ATG7: variants seen among roughly 807,000 people sequenced by gnomAD.
ATG7 encodes the protein ubiquitin-like modifier-activating enzyme ATG7.
Under a neutral mutation model 82.4 loss-of-function variants are expected in ATG7, and 70 were observed. That is an observed-to-expected ratio of 0.85 (90% CI 0.70 to 1.04). ATG7 has a LOEUF of 1.04. Among genes scored for constraint, ATG7 ranks in the 50% least tolerant of loss-of-function variants. The pLI is 0.00. For missense variants in ATG7, 792 were observed against 864.3 expected (o/e 0.92, Z 1.05); for synonymous variants, 287 against 313.0 (o/e 0.92, Z 0.88).
the ATG7 span, among the ~76,000 whole-genome samples, chr3:11,567,733 C>T: frequency 6.6e-6 from 1 of 152,218 alleles, no homozygotes; most frequent in African/African-American, 2.4e-5. Context: ...CTGCTGGCTT[C>T]TACCTAAACG....
chr3:11,557,204 C>T lies in ATG7; in HGVS notation c.*2361C>T, dbSNP rs1384526110. On this transcript the variant is annotated 3_prime_UTR_variant, in exon 21 of 21. Coordinates refer to ENST00000693202, the MANE Select transcript of ATG7 (RefSeq NM_001349232.2). ...ACAGCTGTGTCTGTCATGCTTGCTT[C>T]ATCTAATTTCTAGTTAGTAGCTATT... 6.5e-6 allele frequency: 1 copy of T among 152,756 alleles called. No individual in the cohort carries two copies. The highest frequency in any genetic ancestry group is 2.1e-4 in the South Asian group (1 of 4,828). 9.5% of individuals were successfully genotyped at this position (152,756 alleles called of 1,614,324 possible).
intron 9 of ATG7, among the ~76,000 whole-genome samples, chr3:11,326,252 C>G (rs557981790): frequency 1.3e-4 from 19 of 151,872 alleles, no homozygotes; most frequent in South Asian, 2.1e-4. Context: ...TCTCCCTTCT[C>G]CCCCTTTTTA....
chr3:11,350,536 T>G (rs1278517165), intron 14 of ATG7, among the ~76,000 whole-genome samples: 1 of 152,170 alleles, frequency 6.6e-6, no homozygotes, highest in Non-Finnish European at 1.5e-5. Flanking sequence ...GGAACAGTCA[T>G]GTGGGTCCTA....
chr3:11,389,511 A>G (rs878974990), intron 19 of ATG7, among the ~76,000 whole-genome samples: 2 of 151,310 alleles, frequency 1.3e-5, no homozygotes, highest in Admixed American at 6.6e-5. Flanking sequence ...GACTGGTTAA[A>G]TCACATAGCA....
chr3:11,515,495 G>T (rs935081582), intron 20 of ATG7, among the ~76,000 whole-genome samples: 11 of 152,058 alleles, frequency 7.2e-5, no homozygotes, highest in Non-Finnish European at 1.3e-4. Context: ...GTAGAGACGG[G>T]GTTTTGCTGT....
chr3:11,435,245 C>T (rs925438330), intron 20 of ATG7, among the ~76,000 whole-genome samples: 1 of 152,092 alleles, frequency 6.6e-6, no homozygotes, highest in African/African-American at 2.4e-5. Context: ...CTACTTTGAG[C>T]CTTAATAGAA....
In ATG7 at chr3:11,335,341, T is replaced by A. The variant is rs144518456; in HGVS notation, c.889+2248T>A. On this transcript the variant is annotated intron_variant, in intron 11 of 20. Coordinates refer to ENST00000693202, the MANE Select transcript of ATG7 (RefSeq NM_001349232.2). ...GGCCACACTGGAAGAAGAATTGTCT[T>A]GGACCACACATAAAATACACTAACA... Among the ~76,000 whole-genome samples, 10 of 152,224 alleles carry A rather than the reference T, an allele frequency of 6.6e-5. No homozygotes were observed. The East Asian group carries it at 1.9e-3, about 29-fold the overall frequency.
At chr3:11,361,699 G>A (rs2076296600) in intron 16 of ATG7, among the ~76,000 whole-genome samples, 1 of 152,170 alleles carries the variant, frequency 6.6e-6, no homozygotes, top group Admixed American at 6.5e-5. Flanking sequence ...CCCTAGCAAT[G>A]CTAATAGAGG....
At chr3:11,425,230 C>T (rs1200119265) in intron 19 of ATG7, among the ~76,000 whole-genome samples, 1 of 152,160 alleles carries the variant, frequency 6.6e-6, no homozygotes, top group East Asian at 1.9e-4. Flanking sequence ...ACCCAAAATG[C>T]TAGGATTACA....
chr3:11,474,581 C>T (rs2087914849), intron 20 of ATG7, among the ~76,000 whole-genome samples: 1 of 152,174 alleles, frequency 6.6e-6, no homozygotes. Flanking sequence ...ACCTGGGTGA[C>T]AGAGTAAGCC....
intron 19 of ATG7, among the ~76,000 whole-genome samples, chr3:11,383,740 A>C (rs1465500016): frequency 6.6e-6 from 1 of 152,184 alleles, no homozygotes; most frequent in Non-Finnish European, 1.5e-5. Flanking sequence ...GAGCCACCGC[A>C]TCCAGCCGTA....
At chr3:11,376,717 C>A (rs928496880) in intron 18 of ATG7, among the ~76,000 whole-genome samples, 2 of 152,068 alleles carry the variant, frequency 1.3e-5, no homozygotes. Context: ...GCAAGGAATT[C>A]TCTGCCTTAT....
At chr3:11,483,970 T>C (rs976849142) in intron 20 of ATG7, among the ~76,000 whole-genome samples, 1 of 152,176 alleles carries the variant, frequency 6.6e-6, no homozygotes, top group African/African-American at 2.4e-5. Context: ...CCTAAAAATA[T>C]AATTATAGCA....
At chr3:11,294,278 G>T (rs1945489952) in intron 3 of ATG7, among the ~76,000 whole-genome samples, 1 of 150,938 alleles carries the variant, frequency 6.6e-6, no homozygotes. Flanking sequence ...TGCTCTTGTT[G>T]CCCAGGCTGG....
At chr3:11,272,694 C>T (rs1203470111) in intron 1 of ATG7, 1 of 152,186 alleles carries the variant, frequency 6.6e-6, no homozygotes, top group African/African-American at 2.4e-5. Flanking sequence ...CTAAGTCAGC[C>T]CCTCCTGTCC....
downstream of ATG7, among the ~76,000 whole-genome samples, chr3:11,559,773 G>A (rs1021162317): frequency 6.6e-6 from 1 of 152,174 alleles, no homozygotes; most frequent in Non-Finnish European, 1.5e-5. Flanking sequence ...TCCTGTGGAG[G>A]ACAGAGGGTT....
At position 11,555,816 on chromosome 3, in the gene ATG7, CCTG is replaced by C. The variant is rs1468093040; in HGVS notation, c.*976_*978del. 7 of 152,414 alleles carry C rather than the reference CCTG, an allele frequency of 4.6e-5. 1 individual carries two copies. Among genetic ancestry groups the C allele is most frequent in the South Asian group, 4.1e-4 (2 of 4,820 alleles). The allele number at this position is 152,414 out of a possible 1,614,324, so 9.4% of individuals were successfully genotyped here. On this transcript the variant is annotated 3_prime_UTR_variant, in exon 21 of 21. Coordinates refer to ENST00000693202, the MANE Select transcript of ATG7 (RefSeq NM_001349232.2). ...CCCCCGTGTAGAGGGCATCGTCTTTCCTGCTATTTTATTCTTTCAGCTTTTGTC... is the reference window on the plus strand; with the variant it reads ...CCCCCGTGTAGAGGGCATCGTCTTTCCTATTTTATTCTTTCAGCTTTTGTC...
chr3:11,474,879 C>T (rs1293723173), intron 20 of ATG7, among the ~76,000 whole-genome samples: 1 of 151,906 alleles, frequency 6.6e-6, no homozygotes, highest in African/African-American at 2.4e-5. Context: ...GAGTGGGGGG[C>T]CGGAGCCAGT....
chr3:11,427,870 G>C (rs1188006370), intron 20 of ATG7, among the ~76,000 whole-genome samples: 4 of 152,084 alleles, frequency 2.6e-5, no homozygotes, highest in African/African-American at 9.7e-5. Context: ...TCTTAGAAAA[G>C]GGAATGCTGT....
Sources: allele counts gnomAD v4.1 joint callset (sites outside exome capture counted in the v4.1 genomes callset), GRCh38; gene constraint gnomAD v4.1.1; transcripts MANE v1.5; gene names NCBI Gene and HGNC (gene_info 2026-07-23, HGNC 2026-07-21).